Variants in MACROD2 observed in about 807,000 individuals in gnomAD.
MACROD2 encodes the protein mono-ADP ribosylhydrolase 2, also known as ADP-ribose glycohydrolase MACROD2.
A neutral mutation model predicts 70.4 loss-of-function variants in MACROD2; 36 were observed. That is an observed-to-expected ratio of 0.51 (90% CI 0.39 to 0.68). The LOEUF (loss-of-function observed/expected upper bound fraction) is 0.68. Ranked by LOEUF, MACROD2 falls within the 30% of genes least tolerant of loss-of-function variation. The probability of loss-of-function intolerance (pLI) is 0.00; values close to 1 mark genes in which losing one functional copy is unlikely to be tolerated. For missense variants in MACROD2, 496 were observed against 538.4 expected (o/e 0.92, Z 0.78); for synonymous variants, 172 against 178.8 (o/e 0.96, Z 0.30).
intron 5 of MACROD2, among the ~76,000 whole-genome samples, chr20:14,978,030 GGAAGTAAACATGA>G (rs1362303611): frequency 1.3e-5 from 2 of 152,072 alleles, no homozygotes; most frequent in Non-Finnish European, 2.9e-5. Context: ...ATATGTGCTT[GGAAGTAAACATGA>G]TATGGAGCTG....
chr20:14,655,042 G>A (rs1339115692), intron 4 of MACROD2, among the ~76,000 whole-genome samples: 3 of 150,858 alleles, frequency 2.0e-5, no homozygotes, highest in Non-Finnish European at 4.4e-5. Flanking sequence ...TTTTTTAATT[G>A]TAAGACTGTT....
intron 6 of MACROD2, among the ~76,000 whole-genome samples, chr20:15,300,914 C>T (rs1038834166): frequency 3.3e-5 from 5 of 152,160 alleles, no homozygotes; most frequent in Admixed American, 6.5e-5. Context: ...GTTCCTTGTC[C>T]TTTGATTTCC....
At chr20:14,058,272 T>G (rs894175410) in intron 2 of MACROD2, among the ~76,000 whole-genome samples, 7 of 152,130 alleles carry the variant, frequency 4.6e-5, no homozygotes, top group African/African-American at 1.2e-4. Flanking sequence ...GATATTATTA[T>G]TAAATAATAT....
At chr20:15,692,298 C>A (rs1196199774) in intron 8 of MACROD2, among the ~76,000 whole-genome samples, 2 of 152,186 alleles carry the variant, frequency 1.3e-5, no homozygotes, top group East Asian at 3.9e-4. Context: ...TGAACATAAC[C>A]CTCCTAGGCC....
rs138003387 is a variant in MACROD2, at chr20:14,485,119, A to G, written c.272-8360A>G. Among the ~76,000 whole-genome samples, 3 of 152,088 alleles carry G rather than the reference A, an allele frequency of 2.0e-5. No individual in the cohort carries two copies. The East Asian group carries it at 5.8e-4, about 29-fold the overall frequency. On this transcript the variant is annotated intron_variant, in intron 3 of 17. Coordinates refer to ENST00000684519, the MANE Select transcript of MACROD2 (RefSeq NM_001351661.2). ...TATATAAGGATCCCCTTTTTAAAGA[A>G]CTTATTTTATAGAAGCCCCAGTATG...
At chr20:14,754,046 T>A (rs1319328208) in intron 5 of MACROD2, among the ~76,000 whole-genome samples, 1 of 152,078 alleles carries the variant, frequency 6.6e-6, no homozygotes, top group African/African-American at 2.4e-5. Context: ...AATCAACAAA[T>A]TATTTTTAAT....
At chr20:15,605,453 C>CGCGTGTGTGT (rs1555847143) in intron 8 of MACROD2, among the ~76,000 whole-genome samples, 1 of 141,692 alleles carries the variant, frequency 7.1e-6, no homozygotes, top group African/African-American at 2.6e-5. Flanking sequence ...AGGATGTAAG[C>CGCGTGTGTGT]GTGTGTGTGT....
At chr20:14,653,135 C>T (rs1331751425) in intron 4 of MACROD2, among the ~76,000 whole-genome samples, 1 of 151,934 alleles carries the variant, frequency 6.6e-6, no homozygotes, top group Non-Finnish European at 1.5e-5. Context: ...ACTGCAGCCT[C>T]GACCTCCTGG....
rs1290792201 is a variant in MACROD2, at chr20:14,326,346, T to C, written c.272-167133T>C. 1 of 1,613,828 alleles carries C rather than the reference T, an allele frequency of 6.2e-7. No homozygotes were observed. Among genetic ancestry groups the C allele is most frequent in the African/African-American group, 1.3e-5 (1 of 74,892 alleles). On this transcript the variant is annotated intron_variant, in intron 3 of 17. Transcript: ENST00000684519. This position sits in a 1 kb window ranked among gnomAD's most constrained non-coding sequence, Gnocchi z 5.5. ...GCTTGGGGTTCTTAATATCTGGCTG[T>C]TTGGTCACTGGAGCTGGCCACTGTC...
chr20:15,303,596 TCTCA>T (rs2077667716), intron 6 of MACROD2, among the ~76,000 whole-genome samples: 1 of 152,162 alleles, frequency 6.6e-6, no homozygotes, highest in African/African-American at 2.4e-5. Context: ...TCTGCCAGCG[TCTCA>T]CTTTTTCAAT....
At chr20:14,460,224 C>A (rs35737714) in intron 3 of MACROD2, among the ~76,000 whole-genome samples, 22,701 of 152,054 alleles carry the variant, frequency 0.15, 2,408 homozygotes, top group Non-Finnish European at 0.21. Flanking sequence ...GATTTATAAT[C>A]CTTTGGGTAT....
intron 5 of MACROD2, among the ~76,000 whole-genome samples, chr20:14,826,353 A>G (rs568026181): frequency 2.0e-5 from 3 of 152,234 alleles, no homozygotes; most frequent in South Asian, 4.2e-4. Flanking sequence ...TCCTCATTGT[A>G]TATCAGGCTA....
intron 3 of MACROD2, among the ~76,000 whole-genome samples, chr20:14,184,638 G>A (rs2209020): frequency 2.0e-5 from 3 of 151,830 alleles, no homozygotes; most frequent in Non-Finnish European, 2.9e-5. Context: ...CCATTTTCAC[G>A]ATATTGATTC....
chr20:14,242,809 C>T (rs746566003), intron 3 of MACROD2, among the ~76,000 whole-genome samples: 10 of 152,104 alleles, frequency 6.6e-5, no homozygotes, highest in Non-Finnish European at 8.8e-5. Context: ...TCAAGAAACA[C>T]GAGCTTATAC....
intron 8 of MACROD2, among the ~76,000 whole-genome samples, chr20:15,722,281 C>T (rs1382939458): frequency 6.6e-6 from 1 of 152,134 alleles, no homozygotes; most frequent in Admixed American, 6.6e-5. Flanking sequence ...AGGGCATAGA[C>T]ATCTTCAGTT....
rs547651714 is a variant in MACROD2 at position 15,833,446 on chromosome 20, G to A, written c.646-29299G>A. On this transcript the variant is annotated intron_variant, in intron 8 of 17. Transcript: ENST00000684519. ...AATGTTCTATGCATGTAGGGGTGTG[G>A]GAAGCAGACACAAACATTCTGATTT... Among the ~76,000 whole-genome samples, 15 of 152,254 alleles carry A rather than the reference G, an allele frequency of 9.9e-5. No individual in the cohort carries two copies. The South Asian group carries it at 1.2e-3, about 13-fold the overall frequency.
At chr20:14,936,109 C>T (rs1055253477) in intron 5 of MACROD2, among the ~76,000 whole-genome samples, 6 of 151,502 alleles carry the variant, frequency 4.0e-5, no homozygotes, top group Non-Finnish European at 8.8e-5. Context: ...AAAACATCTG[C>T]AAAAAAAATG....
intron 8 of MACROD2, among the ~76,000 whole-genome samples, chr20:15,778,453 T>C (rs966944083): frequency 6.6e-6 from 1 of 152,122 alleles, no homozygotes; most frequent in Non-Finnish European, 1.5e-5. Context: ...CACATAATAA[T>C]TGTACATCTT....
intron 2 of MACROD2, among the ~76,000 whole-genome samples, chr20:14,052,862 G>A (rs2053586140): frequency 1.3e-5 from 2 of 152,172 alleles, no homozygotes; most frequent in South Asian, 4.1e-4. Flanking sequence ...TTAGTATGTG[G>A]GGAAGTTGTT....
Sources: allele counts gnomAD v4.1 joint callset (sites outside exome capture counted in the v4.1 genomes callset), GRCh38; gene constraint gnomAD v4.1.1; non-coding constraint Gnocchi (gnomAD v3.1); transcripts MANE v1.5; gene names NCBI Gene and HGNC (gene_info 2026-07-23, HGNC 2026-07-21).